KCNMA1: variants seen among roughly 807,000 people sequenced by gnomAD.
The protein encoded by KCNMA1 is potassium calcium-activated channel subfamily M alpha 1.
In KCNMA1, 29 loss-of-function variants were observed where a neutral mutation model predicts 140.0. The ratio of observed to expected loss-of-function variants is 0.21; its 90% CI spans 0.15 to 0.28. KCNMA1 has a LOEUF of 0.28. KCNMA1 is among the 10% of genes least tolerant of loss of function. The pLI is 1.00. For synonymous variants in KCNMA1, 612 were observed against 611.9 expected (o/e 1.00, Z 0.00); for missense variants, 880 against 1,602.2 (o/e 0.55, Z 7.70).
intron 5 of KCNMA1, chr10:77,149,844 C>G (rs1310527104): frequency 6.6e-6 from 1 of 152,100 alleles, no homozygotes; most frequent in African/African-American, 2.4e-5. Flanking sequence ...TTCATAGAAC[C>G]CATGCAAGAG....
intron 2 of KCNMA1, among the ~76,000 whole-genome samples, chr10:77,296,908 T>TGGGGGGGTG (rs781675116): frequency 1.2e-5 from 1 of 80,266 alleles, no homozygotes; most frequent in Non-Finnish European, 3.3e-5. Context: ...CCTGGGTGTG[T>TGGGGGGGTG]GGGCGGGGGG....
At chr10:77,037,212 C>T (rs1480544041) in intron 15 of KCNMA1, among the ~76,000 whole-genome samples, 1 of 152,186 alleles carries the variant, frequency 6.6e-6, no homozygotes, top group Admixed American at 6.5e-5. Flanking sequence ...GGTTGGCAAA[C>T]TCACACAACC....
At chr10:77,438,415 T>C (rs1015017380) in intron 1 of KCNMA1, among the ~76,000 whole-genome samples, 4 of 151,736 alleles carry the variant, frequency 2.6e-5, no homozygotes, top group Non-Finnish European at 5.9e-5. Context: ...AATACAAAAT[T>C]AGCCGGGCGT....
chr10:77,264,290 G>C (rs137960869), intron 2 of KCNMA1, among the ~76,000 whole-genome samples: 156 of 152,252 alleles, frequency 1.0e-3, no homozygotes, highest in Middle Eastern at 3.4e-3. Flanking sequence ...TGGCTCACTG[G>C]AGATAAACAG....
intron 23 of KCNMA1, among the ~76,000 whole-genome samples, chr10:76,940,174 G>A (rs1327209573): frequency 2.0e-5 from 3 of 152,182 alleles, no homozygotes; most frequent in African/African-American, 4.8e-5. Flanking sequence ...ATACCATCTG[G>A]CTTGGGATAT....
At chr10:77,214,382 C>T (rs892164654) in intron 3 of KCNMA1, among the ~76,000 whole-genome samples, 11 of 152,138 alleles carry the variant, frequency 7.2e-5, no homozygotes, top group African/African-American at 2.7e-4. Flanking sequence ...CTACCAGCAG[C>T]TCTCCAACAC....
intron 5 of KCNMA1, among the ~76,000 whole-genome samples, chr10:77,177,874 G>A (rs1487428773): frequency 6.6e-6 from 1 of 152,044 alleles, no homozygotes; most frequent in Non-Finnish European, 1.5e-5. Context: ...GTTTATTTTG[G>A]TTCCAAAATG....
At chr10:77,298,457 G>A (rs568822660) in intron 2 of KCNMA1, among the ~76,000 whole-genome samples, 133 of 152,246 alleles carry the variant, frequency 8.7e-4, no homozygotes, top group Non-Finnish European at 1.5e-3. Context: ...GGCCAGGCTC[G>A]TCTCGAACTC....
At chr10:77,447,606 G>A (rs1301441291) in intron 1 of KCNMA1, among the ~76,000 whole-genome samples, 2 of 152,328 alleles carry the variant, frequency 1.3e-5, no homozygotes, top group Middle Eastern at 3.4e-3. Flanking sequence ...GCCATCACAA[G>A]AGCATGGCTT....
At chr10:77,634,555 C>A in intron 1 of KCNMA1, 1 of 419,898 alleles carries the variant, frequency 2.4e-6, no homozygotes, top group African/African-American at 9.7e-5. Context: ...AATTTCAGAC[C>A]TGCTTTCCTC....
chr10:77,159,054 T>A (rs567366939), intron 5 of KCNMA1, among the ~76,000 whole-genome samples: 1 of 152,328 alleles, frequency 6.6e-6, no homozygotes, highest in African/African-American at 2.4e-5. Context: ...CCATTCTTTT[T>A]TGAAGCAACT....
intron 5 of KCNMA1, among the ~76,000 whole-genome samples, chr10:77,131,137 G>C (rs2097849744): frequency 6.6e-6 from 1 of 152,154 alleles, no homozygotes; most frequent in Non-Finnish European, 1.5e-5. Flanking sequence ...TGTTAAAATA[G>C]AGCAATATCC....
chr10:77,369,104 T>G (rs1444620314), intron 2 of KCNMA1, among the ~76,000 whole-genome samples: 1 of 152,202 alleles, frequency 6.6e-6, no homozygotes, highest in Non-Finnish European at 1.5e-5. Flanking sequence ...TTGGTTGGAG[T>G]TACATTAAAT....
intron 23 of KCNMA1, among the ~76,000 whole-genome samples, chr10:76,921,931 C>A (rs1476017612): frequency 6.6e-6 from 1 of 152,112 alleles, no homozygotes; most frequent in Non-Finnish European, 1.5e-5. Flanking sequence ...ACCATGTTTA[C>A]TCAATAAAAA....
In KCNMA1 at chr10:77,079,732, C is replaced by A. The variant is rs961866319; in HGVS notation, c.1524-182G>T. On this transcript the variant is annotated intron_variant, in intron 12 of 27. Transcript: ENST00000286628. ...AAGACTAGCTGAAACAGGGATGGGG[C>A]AGAAGCAACTTTTCACTGGACAAGC... is the stretch of plus-strand genomic sequence containing the variant. 1.4e-4 allele frequency: 88 copies of A among 638,744 alleles called. No homozygotes were observed. In the African/African-American group the frequency reaches 1.6e-3, roughly 11 times the overall value. 39.6% of individuals were successfully genotyped at this position (638,744 alleles called of 1,614,324 possible).
At chr10:77,490,385 T>C (rs1193864376) in intron 1 of KCNMA1, among the ~76,000 whole-genome samples, 1 of 152,208 alleles carries the variant, frequency 6.6e-6, no homozygotes, top group Non-Finnish European at 1.5e-5. Context: ...CCTAGCCTGA[T>C]TCCAGCAAGT....
At chr10:77,451,869 A>G (rs1373818948) in intron 1 of KCNMA1, among the ~76,000 whole-genome samples, 1 of 152,190 alleles carries the variant, frequency 6.6e-6, no homozygotes, top group Non-Finnish European at 1.5e-5. Flanking sequence ...GTCACAAAAC[A>G]TATTTGAAAT....
intron 1 of KCNMA1, among the ~76,000 whole-genome samples, chr10:77,589,169 T>C (rs1413663133): frequency 6.6e-6 from 1 of 152,174 alleles, no homozygotes; most frequent in Non-Finnish European, 1.5e-5. Flanking sequence ...AACCCCTTCA[T>C]GGCTACTTAT....
In KCNMA1 at chr10:77,210,150, A is replaced by T. The variant is rs1348271188; in HGVS notation, c.603-25234T>A. Among the ~76,000 whole-genome samples, 3 of 152,202 alleles carry T rather than the reference A, an allele frequency of 2.0e-5. No homozygotes were observed. The East Asian group carries it at 5.8e-4, about 29-fold the overall frequency. ...AGGCCAATATCCCTGATGAACATAGATGCAAAAATCCTCAATAAAATACTG... is the reference window on the plus strand; with the variant it reads ...AGGCCAATATCCCTGATGAACATAGTTGCAAAAATCCTCAATAAAATACTG... On this transcript the variant is annotated intron_variant, in intron 3 of 27. Coordinates refer to ENST00000286628, the MANE Select transcript of KCNMA1 (RefSeq NM_001161352.2).
Sources: allele counts gnomAD v4.1 joint callset (sites outside exome capture counted in the v4.1 genomes callset), GRCh38; gene constraint gnomAD v4.1.1; transcripts MANE v1.5; gene names NCBI Gene and HGNC (gene_info 2026-07-23, HGNC 2026-07-21).